Variants in ARHGAP28 observed in about 807,000 individuals in gnomAD.
The protein encoded by ARHGAP28 is rho GTPase-activating protein 28.
A neutral mutation model predicts 90.7 loss-of-function variants in ARHGAP28; 56 were observed. That is an observed-to-expected ratio of 0.62 (90% CI 0.50 to 0.77). ARHGAP28 has a LOEUF of 0.77. Ranked by LOEUF, ARHGAP28 falls within the 30% of genes least tolerant of loss-of-function variation. The pLI is 0.00. For missense variants in ARHGAP28, 869 were observed against 900.9 expected (o/e 0.96, Z 0.45); for synonymous variants, 308 against 323.3 (o/e 0.95, Z 0.51).
At chr18:6,814,685 GT>G (rs2056578645) in intron 1 of ARHGAP28, among the ~76,000 whole-genome samples, 1 of 152,150 alleles carries the variant, frequency 6.6e-6, no homozygotes, top group African/African-American at 2.4e-5. Context: ...GCCATACATA[GT>G]AGTGCTAGCT....
intron 3 of ARHGAP28, among the ~76,000 whole-genome samples, chr18:6,839,119 G>T (rs2056776924): frequency 6.6e-6 from 1 of 152,052 alleles, no homozygotes; most frequent in Admixed American, 6.6e-5. Context: ...ATGGGAAATT[G>T]GGATAGACTC....
intron 1 of ARHGAP28, chr18:6,790,583 G>A (rs1279497422): frequency 1.3e-5 from 2 of 152,142 alleles, no homozygotes; most frequent in East Asian, 1.9e-4. Context: ...AATCCAAGTC[G>A]AACAGAGTGG....
intron 11 of ARHGAP28, among the ~76,000 whole-genome samples, chr18:6,883,228 G>C (rs752918933): frequency 1.4e-5 from 2 of 141,324 alleles, no homozygotes; most frequent in Non-Finnish European, 3.0e-5. Flanking sequence ...ATTTGAGAGT[G>C]TCAGGCACTA....
intron 1 of ARHGAP28, among the ~76,000 whole-genome samples, chr18:6,811,424 T>C (rs2056555548): frequency 2.6e-5 from 4 of 152,198 alleles, no homozygotes; most frequent in Admixed American, 2.6e-4. Flanking sequence ...AAGTGGGAAA[T>C]AGACCTAGCC....
At chr18:6,840,830 A>G (rs1420403018) in intron 3 of ARHGAP28, among the ~76,000 whole-genome samples, 2 of 152,198 alleles carry the variant, frequency 1.3e-5, no homozygotes, top group Non-Finnish European at 2.9e-5. Context: ...AAATGAAATC[A>G]GTGTAAGTTT....
At position 6,873,505 on chromosome 18, in the gene ARHGAP28, T is replaced by G. The variant is rs762184402; in HGVS notation, c.1051T>G (p.Leu351Val). The G allele has an allele frequency of 1.4e-5, 23 of 1,614,060 alleles. No homozygotes were observed. The highest frequency in any genetic ancestry group is 1.8e-5 in the Non-Finnish European group (21 of 1,180,026). The change falls in exon 8 of 18, where the codon TTG (leucine) becomes GTG (valine). Residue 351 changes from leucine (L) to valine (V), a missense_variant. By Grantham distance (32) the Leu-to-Val change is conservative (BLOSUM62 1). Transcript: ENST00000383472. ...KKIRHLSLIE[L>V]TAFFDAFGIQ... Reference sequence around the variant, plus strand: ...AATCCGCCATCTCTCTCTGATTGAATTGACTGCCTTTTTTGATGCCTTTGG... The same window carrying G: ...AATCCGCCATCTCTCTCTGATTGAAGTGACTGCCTTTTTTGATGCCTTTGG...
chr18:6,761,489 G>A (rs959196778), intron 1 of ARHGAP28, among the ~76,000 whole-genome samples: 1 of 152,288 alleles, frequency 6.6e-6, no homozygotes, highest in South Asian at 2.1e-4. Context: ...GAAGGAAACA[G>A]TATTGATGGA....
intron 16 of ARHGAP28, among the ~76,000 whole-genome samples, chr18:6,902,707 G>T (rs1245745497): frequency 2.0e-5 from 3 of 152,142 alleles, no homozygotes; most frequent in Admixed American, 6.5e-5. Flanking sequence ...GTGCACCACT[G>T]GTGGGAAGTG....
chr18:6,898,482 TG>T, intron 16 of ARHGAP28: 2 of 1,613,762 alleles, frequency 1.2e-6, no homozygotes, highest in Non-Finnish European at 1.7e-6. Context: ...AAATGGAAAA[TG>T]GGTTAAAAAA....
chr18:6,909,635 C>T (rs2057385553), intron 17 of ARHGAP28, among the ~76,000 whole-genome samples: 1 of 152,088 alleles, frequency 6.6e-6, no homozygotes. Context: ...GAAAGTCTCT[C>T]TGGAGACTCT....
At chr18:6,755,652 C>A (rs2056103207) in intron 1 of ARHGAP28, among the ~76,000 whole-genome samples, 1 of 152,128 alleles carries the variant, frequency 6.6e-6, no homozygotes, top group Admixed American at 6.6e-5. Context: ...CAAAATGAGA[C>A]AATTTTGAGA....
chr18:6,834,829 G>C (rs1174275545), intron 2 of ARHGAP28, among the ~76,000 whole-genome samples: 1 of 152,082 alleles, frequency 6.6e-6, no homozygotes, highest in Non-Finnish European at 1.5e-5. Context: ...ATGCCTCCTG[G>C]TTATTCTCTT....
intron 17 of ARHGAP28, among the ~76,000 whole-genome samples, chr18:6,909,263 TTC>T (rs1383219998): frequency 3.2e-5 from 2 of 62,900 alleles, no homozygotes; most frequent in African/African-American, 9.0e-5. Flanking sequence ...TTCTTTTCTT[TTC>T]TTTTCTTTGC....
At chr18:6,771,981 A>G (rs771683097) in intron 1 of ARHGAP28, among the ~76,000 whole-genome samples, 14 of 152,210 alleles carry the variant, frequency 9.2e-5, no homozygotes, top group Non-Finnish European at 1.6e-4. Flanking sequence ...GCATGTAACA[A>G]AATATCACAT....
intron 3 of ARHGAP28, among the ~76,000 whole-genome samples, chr18:6,843,071 T>G (rs1306033720): frequency 6.6e-6 from 1 of 152,202 alleles, no homozygotes; most frequent in Non-Finnish European, 1.5e-5. Flanking sequence ...TATTTCCTTT[T>G]CAAGCAAACT....
At chr18:6,794,901 T>A (rs913172233) in intron 1 of ARHGAP28, among the ~76,000 whole-genome samples, 1 of 152,124 alleles carries the variant, frequency 6.6e-6, no homozygotes, top group Non-Finnish European at 1.5e-5. Context: ...CAGGCTGGTC[T>A]CGAACTCCTG....
Position 6,820,771 on chromosome 18 carries a change from T to A in ARHGAP28, c.123-3991T>A, listed in dbSNP as rs961104963. On this transcript the variant is annotated intron_variant, in intron 1 of 17. Coordinates refer to ENST00000383472, the MANE Select transcript of ARHGAP28 (RefSeq NM_001366230.1). ...TAAACAAAAACTGTCAGCCTAGAGTTCTATGCCCAGTAAAAAATATTTGTC... is the reference window on the plus strand; with the variant it reads ...TAAACAAAAACTGTCAGCCTAGAGTACTATGCCCAGTAAAAAATATTTGTC... 9.2e-5 allele frequency among the ~76,000 whole-genome samples: 14 copies of A among 152,302 alleles called. 1 individual carries two copies. Among genetic ancestry groups the A allele is most frequent in the Admixed American group, 7.9e-4 (12 of 15,286 alleles).
At chr18:6,842,166 T>C (rs1480286992) in intron 3 of ARHGAP28, among the ~76,000 whole-genome samples, 1 of 152,128 alleles carries the variant, frequency 6.6e-6, no homozygotes, top group Non-Finnish European at 1.5e-5. Flanking sequence ...CTGGGCAGCA[T>C]AGCGAGACCA....
At chr18:6,752,083 A>T (rs942217140) in intron 1 of ARHGAP28, among the ~76,000 whole-genome samples, 1 of 152,230 alleles carries the variant, frequency 6.6e-6, no homozygotes, top group Admixed American at 6.5e-5. Context: ...ACTATTAAAT[A>T]ATTTTCAAGG....
Sources: gnomAD v4.1 joint callset for allele counts (sites outside exome capture counted in the v4.1 genomes callset) on GRCh38, gnomAD v4.1.1 for gene constraint, MANE v1.5 for transcripts, NCBI Gene and HGNC (gene_info 2026-07-23, HGNC 2026-07-21) for gene names.